The following CEMIP variants were observed in gnomAD, a reference collection of about 807,000 sequenced individuals.
The protein encoded by CEMIP is cell migration inducing hyaluronidase 1.
In CEMIP, 105 loss-of-function variants were observed where a neutral mutation model predicts 156.9. The observed-to-expected ratio is 0.67, with a 90% CI of 0.57 to 0.79. CEMIP has a LOEUF of 0.79. Ranked by LOEUF, CEMIP falls within the 30% of genes least tolerant of loss-of-function variation. CEMIP has a pLI of 0.00. For missense variants in CEMIP, 1,457 were observed against 1,769.4 expected (o/e 0.82, Z 3.17); for synonymous variants, 676 against 668.4 (o/e 1.01, Z -0.17).
chr15:80,864,697 G>A (rs1162475080), intron 1 of CEMIP, among the ~76,000 whole-genome samples: 2 of 152,202 alleles, frequency 1.3e-5, no homozygotes, highest in Non-Finnish European at 2.9e-5. Context: ...TTTGGATCTA[G>A]CTTGTGATAA....
chr15:80,852,607 A>T (rs1897740882), intron 1 of CEMIP, among the ~76,000 whole-genome samples: 1 of 151,778 alleles, frequency 6.6e-6, no homozygotes, highest in East Asian at 1.9e-4. Context: ...TGTGGTTTAA[A>T]ATATATATAT....
chr15:80,939,546 A>T (rs934525942), intron 25 of CEMIP, among the ~76,000 whole-genome samples: 2 of 152,318 alleles, frequency 1.3e-5, no homozygotes, highest in Non-Finnish European at 2.9e-5. Context: ...TGTTCAAAAG[A>T]TGTGAATTTT....
chr15:80,872,631 A>C (rs1898334759), intron 1 of CEMIP, among the ~76,000 whole-genome samples: 1 of 152,206 alleles, frequency 6.6e-6, no homozygotes, highest in South Asian at 2.1e-4. Flanking sequence ...CCTGGCCAAC[A>C]TGGTGAAATG....
At chr15:80,929,217 C>T (rs1420403988) in intron 21 of CEMIP, 43 bp downstream of exon 21, 4 of 1,611,928 alleles carry the variant, frequency 2.5e-6, no homozygotes, top group Non-Finnish European at 3.4e-6. Flanking sequence ...AGTGGCTTAA[C>T]CTAAGTGGCT....
chr15:80,869,550 G>C (rs1451709566), intron 1 of CEMIP, among the ~76,000 whole-genome samples: 1 of 152,182 alleles, frequency 6.6e-6, no homozygotes, highest in Non-Finnish European at 1.5e-5. Context: ...TGACTGTCTA[G>C]ATTGTGCTAT....
At chr15:80,869,276 T>G (rs762394111) in intron 1 of CEMIP, among the ~76,000 whole-genome samples, 20 of 152,174 alleles carry the variant, frequency 1.3e-4, no homozygotes, top group Non-Finnish European at 2.5e-4. Flanking sequence ...CATTCTGAGG[T>G]GCTGGGGGAT....
At chr15:80,895,726 G>A (rs1899196783) in intron 11 of CEMIP, 143 bp from the exon 12 acceptor site, 1 of 753,154 alleles carries the variant, frequency 1.3e-6, no homozygotes, top group Admixed American at 2.0e-5. Flanking sequence ...ACCAAGAGTG[G>A]GATGGAGCAA....
intron 1 of CEMIP, among the ~76,000 whole-genome samples, chr15:80,870,576 C>T (rs1458493217): frequency 1.3e-5 from 2 of 152,022 alleles, no homozygotes; most frequent in African/African-American, 4.8e-5. Flanking sequence ...CCTGGGGCTA[C>T]CTGAAGGGAG....
intron 17 of CEMIP, among the ~76,000 whole-genome samples, chr15:80,922,932 T>G (rs986129372): frequency 6.6e-6 from 1 of 152,082 alleles, no homozygotes; most frequent in Non-Finnish European, 1.5e-5. Flanking sequence ...GACTCCCAAA[T>G]GCCTAGGCTG....
At chr15:80,789,062 C>T (rs936487733) in intron 1 of CEMIP, among the ~76,000 whole-genome samples, 3 of 152,126 alleles carry the variant, frequency 2.0e-5, no homozygotes, top group Middle Eastern at 3.2e-3. Flanking sequence ...GCACCCAAGG[C>T]GAGTGCCTTT....
rs1015231953 is a variant in CEMIP, at chr15:80,808,243, C to T, written c.-176+28629C>T. On this transcript the variant is annotated intron_variant, in intron 1 of 29. Coordinates refer to ENST00000394685, the MANE Select transcript of CEMIP (RefSeq NM_001293298.2). ...TTAGGAATGGTGAGTGGTGCATAGA[C>T]GCTGACTGACAAGGAGGCAGACCTG... 1.1e-4 allele frequency among the ~76,000 whole-genome samples: 16 copies of T among 152,188 alleles called. No individual in the cohort carries two copies. The South Asian group carries it at 1.7e-3, about 16-fold the overall frequency.
intron 12 of CEMIP, among the ~76,000 whole-genome samples, chr15:80,902,020 G>A (rs757589167): frequency 6.6e-6 from 1 of 152,174 alleles, no homozygotes; most frequent in Admixed American, 6.5e-5. Flanking sequence ...CCTCATACCC[G>A]ATCTGAGAAG....
chr15:80,899,710 T>C (rs187899309), intron 12 of CEMIP, among the ~76,000 whole-genome samples: 5 of 152,184 alleles, frequency 3.3e-5, no homozygotes, highest in Admixed American at 6.5e-5. Context: ...AGGGAAGTCA[T>C]TGAAGGGCAG....
intron 1 of CEMIP, among the ~76,000 whole-genome samples, chr15:80,794,983 A>G (rs1246406666): frequency 5.3e-5 from 8 of 152,112 alleles, no homozygotes; most frequent in Non-Finnish European, 1.0e-4. Context: ...TAGAAGCTAG[A>G]AAGACCAAGA....
chr15:80,948,692 G>A lies in CEMIP; in HGVS notation c.3959-105G>A, dbSNP rs530657236. The A allele has an allele frequency of 1.4e-4, 209 of 1,472,234 alleles. No homozygotes were observed. The Middle Eastern group carries it at 1.7e-3, about 12-fold the overall frequency. 91.2% of individuals were successfully genotyped at this position (1,472,234 alleles called of 1,614,324 possible). A position where few individuals can be genotyped will look rare whatever the true frequency, so the allele number is the denominator to read the frequency against. On this transcript the variant is annotated intron_variant, in intron 29 of 29. Transcript: ENST00000394685. Reference sequence around the variant, plus strand: ...GGCCACAGTGCAGTGTGGCTAGGCGGTACCTGGTGGGCGTGGGGGGCTGGC... The same window carrying A: ...GGCCACAGTGCAGTGTGGCTAGGCGATACCTGGTGGGCGTGGGGGGCTGGC...
intron 1 of CEMIP, among the ~76,000 whole-genome samples, chr15:80,793,259 C>T (rs987355425): frequency 6.6e-6 from 1 of 152,320 alleles, no homozygotes; most frequent in East Asian, 1.9e-4. Context: ...GTCTTTCCCC[C>T]TTCTGCTCTC....
chr15:80,922,989 T>G (rs1465942376), intron 17 of CEMIP, among the ~76,000 whole-genome samples: 8 of 152,190 alleles, frequency 5.3e-5, no homozygotes, highest in Admixed American at 4.6e-4. Context: ...AAAACTGACG[T>G]TCCTCAAAGG....
chr15:80,857,169 A>G (rs1231335201), intron 1 of CEMIP, among the ~76,000 whole-genome samples: 4 of 152,210 alleles, frequency 2.6e-5, no homozygotes, highest in African/African-American at 4.8e-5. Flanking sequence ...CTGTGCAAAC[A>G]TTCCCTGTCT....
At chr15:80,925,839 G>A in intron 19 of CEMIP, 84 bp downstream of exon 19, 1 of 1,530,474 alleles carries the variant, frequency 6.5e-7, no homozygotes, top group East Asian at 2.3e-5. Context: ...GGAGAGCAAA[G>A]CAGAGAGGGG....
Sources: allele counts gnomAD v4.1 joint callset (sites outside exome capture counted in the v4.1 genomes callset), GRCh38; gene constraint gnomAD v4.1.1; transcripts MANE v1.5; gene names NCBI Gene and HGNC (gene_info 2026-07-23, HGNC 2026-07-21).